The following GTF2B variants were observed in gnomAD, a reference collection of about 807,000 sequenced individuals.
The protein encoded by GTF2B is transcription initiation factor IIB.
A neutral mutation model predicts 34.6 loss-of-function variants in GTF2B; 20 were observed. The ratio of observed to expected loss-of-function variants is 0.58; its 90% confidence interval spans 0.41 to 0.84. GTF2B has a LOEUF of 0.84. GTF2B is among the 40% of genes least tolerant of loss of function. GTF2B has a pLI of 0.00. For missense variants in GTF2B, 237 were observed against 393.3 expected (o/e 0.60, Z 3.36); for synonymous variants, 142 against 132.4 (o/e 1.07, Z -0.50).
rs1485835097 is a variant in GTF2B, at chr1:88,886,941, C to T, written c.124+320G>A. Among the ~76,000 whole-genome samples, 5 of 150,682 alleles carry T rather than the reference C, an allele frequency of 3.3e-5. 1 individual carries two copies. The Middle Eastern group carries it at 9.5e-3, about 286-fold the overall frequency. On this transcript the variant is annotated intron_variant, in intron 2 of 6. Coordinates refer to ENST00000370500, the MANE Select transcript of GTF2B (RefSeq NM_001514.6). ...TATTATTATTATTTTTTTTTTGAGA[C>T]GGAGTCTTGCTCTGTTGCTCGGGCT...
intron 2 of GTF2B, among the ~76,000 whole-genome samples, chr1:88,873,013 T>A (rs1228741052): frequency 6.6e-6 from 1 of 152,084 alleles, no homozygotes; most frequent in African/African-American, 2.4e-5. Context: ...ATAAGCCTCA[T>A]ATTGATTTTT....
chr1:88,888,440 T>C (rs187074910), intron 1 of GTF2B, among the ~76,000 whole-genome samples: 8 of 152,332 alleles, frequency 5.3e-5, no homozygotes, highest in African/African-American at 1.7e-4. Context: ...TATTACTTCA[T>C]ATTTGTGTTT....
intron 1 of GTF2B, among the ~76,000 whole-genome samples, chr1:88,888,870 T>C (rs1042437417): frequency 1.3e-5 from 2 of 152,222 alleles, no homozygotes; most frequent in African/African-American, 2.4e-5. Flanking sequence ...AATCAGGATG[T>C]GGTTTTCTCA....
intron 1 of GTF2B, among the ~76,000 whole-genome samples, chr1:88,888,534 T>C (rs1433659071): frequency 1.3e-5 from 2 of 152,162 alleles, no homozygotes; most frequent in African/African-American, 2.4e-5. Flanking sequence ...TGAAAAACCA[T>C]GTTGAAATAA....
intron 6 of GTF2B, among the ~76,000 whole-genome samples, chr1:88,856,723 A>G (rs1011156396): frequency 4.6e-5 from 7 of 152,160 alleles, no homozygotes; most frequent in Non-Finnish European, 1.0e-4. Context: ...ATGTCTCTGA[A>G]CATTTTTTTT....
rs1557652559 is a variant in GTF2B, at chr1:88,857,259, G to A, written c.764C>T (p.Ala255Val). ...CTGTGAGGCCATGTAAATAGCTGCC[G>A]CTGCCACAGAGATGGGGCTCCTCCC... ...VPGRSPISVAAAAIYMASQAS... is the reference protein window; with the variant it reads ...VPGRSPISVAVAAIYMASQAS... The change falls in exon 6 of 7, where the codon GCG becomes GTG. Residue 255 changes from alanine (A) to valine (V), a missense_variant. Ala to Val is a moderately conservative substitution (Grantham distance 64, BLOSUM62 0). Coordinates refer to ENST00000370500, the MANE Select transcript of GTF2B (RefSeq NM_001514.6). 2.5e-6 allele frequency: 4 copies of A among 1,613,866 alleles called. No individual in the cohort carries two copies. Among genetic ancestry groups the A allele is most frequent in the Non-Finnish European group, 3.4e-6 (4 of 1,179,870 alleles).
At chr1:88,856,038 G>A (rs959535093) in intron 6 of GTF2B, among the ~76,000 whole-genome samples, 8 of 152,118 alleles carry the variant, frequency 5.3e-5, no homozygotes, top group African/African-American at 1.9e-4. Flanking sequence ...GGGAGGTGGA[G>A]GCAGGCGAAT....
chr1:88,870,893 A>G (rs1192020242), intron 2 of GTF2B, among the ~76,000 whole-genome samples: 1 of 146,954 alleles, frequency 6.8e-6, no homozygotes, highest in African/African-American at 2.5e-5. Flanking sequence ...TTTCTTACAC[A>G]GTCTTTTTTT....
chr1:88,856,168 G>A (rs1484960732), intron 6 of GTF2B, among the ~76,000 whole-genome samples: 1 of 150,332 alleles, frequency 6.7e-6, no homozygotes, highest in Admixed American at 6.7e-5. Context: ...TACTCAGGAA[G>A]CTGAGGCATG....
intron 2 of GTF2B, among the ~76,000 whole-genome samples, chr1:88,880,301 C>G (rs920434735): frequency 5.9e-5 from 9 of 152,112 alleles, no homozygotes; most frequent in Non-Finnish European, 1.5e-5. Context: ...CAAATGTTGT[C>G]CCTTAGTGGG....
At chr1:88,874,587 C>T (rs574609142) in intron 2 of GTF2B, among the ~76,000 whole-genome samples, 53 of 150,928 alleles carry the variant, frequency 3.5e-4, no homozygotes, top group African/African-American at 1.1e-3. Context: ...AAGTGATCCT[C>T]CCGCCTCAGC....
At chr1:88,853,895 A>G (rs1673244235) in intron 6 of GTF2B, among the ~76,000 whole-genome samples, 3 of 152,278 alleles carry the variant, frequency 2.0e-5, no homozygotes, top group African/African-American at 4.8e-5. Context: ...AGTGGGAGCT[A>G]AAGTCAGTAA....
chr1:88,854,890 T>C (rs1006285890), intron 6 of GTF2B, among the ~76,000 whole-genome samples: 3 of 152,248 alleles, frequency 2.0e-5, no homozygotes, highest in African/African-American at 4.8e-5. Context: ...CCTGCCATCA[T>C]TGTACAATTA....
At chr1:88,867,844 A>G (rs1673595966) in intron 2 of GTF2B, among the ~76,000 whole-genome samples, 2 of 152,208 alleles carry the variant, frequency 1.3e-5, no homozygotes, top group African/African-American at 4.8e-5. Context: ...ATAAATAGAA[A>G]GCGCAACACT....
chr1:88,864,248 A>C, intron 2 of GTF2B, 134 bp from the exon 3 acceptor site: 1 of 685,812 alleles, frequency 1.5e-6, no homozygotes, highest in Non-Finnish European at 2.5e-6. Context: ...CTTAAATATC[A>C]CATTTCAGAC....
At chr1:88,867,247 T>C (rs1557655855) in intron 2 of GTF2B, among the ~76,000 whole-genome samples, 1 of 152,240 alleles carries the variant, frequency 6.6e-6, no homozygotes, top group Non-Finnish European at 1.5e-5. Flanking sequence ...TTTTCATATA[T>C]GCTCTGTGTT....
At chr1:88,866,565 GC>G (rs1462620358) in intron 2 of GTF2B, among the ~76,000 whole-genome samples, 1 of 152,010 alleles carries the variant, frequency 6.6e-6, no homozygotes, top group African/African-American at 2.4e-5. Flanking sequence ...ACCACTGCCT[GC>G]CTGGCTAATT....
chr1:88,877,006 T>C (rs959659198), intron 2 of GTF2B, among the ~76,000 whole-genome samples: 7 of 152,218 alleles, frequency 4.6e-5, no homozygotes, highest in Admixed American at 3.3e-4. Flanking sequence ...AATATGAAGA[T>C]AAAAAATCTA....
intron 2 of GTF2B, among the ~76,000 whole-genome samples, chr1:88,884,351 C>A (rs1419755287): frequency 6.6e-6 from 1 of 152,150 alleles, no homozygotes; most frequent in Non-Finnish European, 1.5e-5. Context: ...GAATAAACAA[C>A]TGCAAAGCAG....
Sources: allele counts gnomAD v4.1 joint callset (sites outside exome capture counted in the v4.1 genomes callset), GRCh38; gene constraint gnomAD v4.1.1; transcripts MANE v1.5; gene names NCBI Gene and HGNC (gene_info 2026-07-23, HGNC 2026-07-21).